Variants in ATE1 observed in about 807,000 individuals in gnomAD.
ATE1 encodes arginyl-tRNA--protein transferase 1.
In ATE1, 36 loss-of-function variants were observed where a neutral mutation model predicts 70.5. The observed-to-expected ratio is 0.51, with a 90% CI of 0.39 to 0.67. The LOEUF is 0.67. ATE1 is among the 30% of genes least tolerant of loss of function. ATE1 has a pLI of 0.00. For missense variants in ATE1, 593 were observed against 629.5 expected (o/e 0.94, Z 0.62); for synonymous variants, 232 against 219.3 (o/e 1.06, Z -0.51).
intron 11 of ATE1, among the ~76,000 whole-genome samples, chr10:121,746,222 T>G (rs1944364573): frequency 6.6e-6 from 1 of 152,222 alleles, no homozygotes; most frequent in African/African-American, 2.4e-5. Context: ...ATATATTTAC[T>G]GCCTATTTCC....
chr10:121,897,205 A>G (rs1366651340), intron 7 of ATE1, among the ~76,000 whole-genome samples: 2 of 152,232 alleles, frequency 1.3e-5, no homozygotes, highest in Non-Finnish European at 2.9e-5. Context: ...AAGTCTGCAT[A>G]AAGGGACTTC....
In ATE1 at chr10:121,752,225, A is replaced by G. The variant is rs1260241632; in HGVS notation, c.1379-8367T>C. Reference sequence around the variant, plus strand: ...AAAAAAAAGATTTACTCCAATTTATATTTCTAAGGTTTTTTTTTTTTTTGA... The same window carrying G: ...AAAAAAAAGATTTACTCCAATTTATGTTTCTAAGGTTTTTTTTTTTTTTGA... On this transcript the variant is annotated intron_variant, in intron 11 of 11. Coordinates refer to ENST00000224652, the MANE Select transcript of ATE1 (RefSeq NM_001001976.3). Among the ~76,000 whole-genome samples, 9 of 129,660 alleles carry G rather than the reference A, an allele frequency of 6.9e-5. No individual in the cohort carries two copies. In the East Asian group the frequency reaches 7.1e-4, roughly 10 times the overall value. 85.1% of individuals were successfully genotyped at this position (129,660 alleles called of 152,430 possible).
intron 10 of ATE1, among the ~76,000 whole-genome samples, chr10:121,820,017 G>T (rs1347504914): frequency 6.6e-6 from 1 of 152,002 alleles, no homozygotes; most frequent in Non-Finnish European, 1.5e-5. Flanking sequence ...ATGGTGGAAT[G>T]CGCCTGTAAT....
rs1347711214 is a variant in ATE1 at position 121,866,127 on chromosome 10, C to T, written c.975+3879G>A. On this transcript the variant is annotated intron_variant, in intron 8 of 11. Transcript: ENST00000224652. ...ATTAAACATTCAGAGATTCCCAGCA[C>T]TCTCCTGCCTTGCCTTTGGTTTGGC... Among the ~76,000 whole-genome samples the T allele has an allele frequency of 3.3e-5, 5 of 152,222 alleles. No individual in the cohort carries two copies. In the East Asian group the frequency reaches 9.6e-4, roughly 29 times the overall value.
intron 10 of ATE1, among the ~76,000 whole-genome samples, chr10:121,821,067 G>A (rs751741061): frequency 2.6e-5 from 4 of 152,074 alleles, no homozygotes; most frequent in Admixed American, 6.5e-5. Flanking sequence ...TCGGCCTCCC[G>A]AGTAGCTGGG....
At chr10:121,903,843 A>C (rs1951079872) in intron 5 of ATE1, among the ~76,000 whole-genome samples, 1 of 152,116 alleles carries the variant, frequency 6.6e-6, no homozygotes, top group South Asian at 2.1e-4. Context: ...AAAATAAAAA[A>C]ATTTTTACTA....
chr10:121,848,111 G>A (rs141713076), intron 8 of ATE1, among the ~76,000 whole-genome samples: 7 of 152,148 alleles, frequency 4.6e-5, no homozygotes, highest in Admixed American at 1.3e-4. Flanking sequence ...CAGCCACTGC[G>A]GTGACATGGA....
At chr10:121,882,778 T>C (rs903604056) in intron 7 of ATE1, among the ~76,000 whole-genome samples, 1 of 152,208 alleles carries the variant, frequency 6.6e-6, no homozygotes, top group African/African-American at 2.4e-5. Flanking sequence ...AGGAGGTTAA[T>C]CAAGAATCAG....
In ATE1 at chr10:121,857,369, C is replaced by T. The variant is rs546448667; in HGVS notation, c.975+12637G>A. ...CTTAAAAGCAAGAACATGTGGTTTT[C>T]TGATTCTGTGTTGGTTTGCTTAGGA... is the stretch of plus-strand genomic sequence containing the variant. On this transcript the variant is annotated intron_variant, in intron 8 of 11. Transcript: ENST00000224652. 7.9e-5 allele frequency among the ~76,000 whole-genome samples: 12 copies of T among 152,294 alleles called. No homozygotes were observed. The East Asian group carries it at 2.3e-3, about 29-fold the overall frequency.
intron 10 of ATE1, among the ~76,000 whole-genome samples, chr10:121,816,340 A>G (rs1361736863): frequency 6.6e-6 from 1 of 152,178 alleles, no homozygotes; most frequent in Admixed American, 6.5e-5. Flanking sequence ...GTCTTCTCCA[A>G]TATTCATGTT....
rs140543829 is a variant in ATE1 at position 121,871,317 on chromosome 10, T to C, written c.943-1279A>G. ...CTAATAAAAATACAAAAATTAGCTG[T>C]GTGTGGTAGTGGGCGCCTGTAATCC... is the stretch of plus-strand genomic sequence containing the variant. On this transcript the variant is annotated intron_variant, in intron 7 of 11. Transcript: ENST00000224652. Among the ~76,000 whole-genome samples the C allele has an allele frequency of 7.1e-3, 1,072 of 151,882 alleles. 24 individuals are homozygous for C. Among genetic ancestry groups the C allele is most frequent in the African/African-American group, 0.024 (1,014 of 41,412 alleles).
At chr10:121,894,482 A>G (rs1950699532) in intron 7 of ATE1, among the ~76,000 whole-genome samples, 1 of 152,234 alleles carries the variant, frequency 6.6e-6, no homozygotes, top group African/African-American at 2.4e-5. Context: ...GCACCAGGAA[A>G]TGTTCCTAGG....
At chr10:121,790,357 G>A (rs1946385522) in intron 10 of ATE1, 68 bp from the exon 11 acceptor site, 15 of 1,571,400 alleles carry the variant, frequency 9.5e-6, no homozygotes, top group Non-Finnish European at 1.2e-5. Context: ...AAAGGGATGA[G>A]GGCTCTAGGA....
intron 10 of ATE1, among the ~76,000 whole-genome samples, chr10:121,803,197 C>T (rs986936933): frequency 1.3e-5 from 2 of 152,088 alleles, no homozygotes; most frequent in African/African-American, 4.8e-5. Flanking sequence ...CTTTACGTTC[C>T]CTATGCATAT....
At chr10:121,747,565 G>A (rs1944420030) in intron 11 of ATE1, among the ~76,000 whole-genome samples, 1 of 152,162 alleles carries the variant, frequency 6.6e-6, no homozygotes, top group Non-Finnish European at 1.5e-5. Flanking sequence ...TCAGCACAGG[G>A]TAGCAGTGTC....
rs568972287 is a variant in ATE1, at chr10:121,902,725, T to C, written c.584-105A>G. ...TGTAAGTCCAAAGAGTTTCAATGGT[T>C]AGGCTAGCTTTGGGGTAGATGTTTC... On this transcript the variant is annotated intron_variant, in intron 5 of 11. Coordinates refer to ENST00000224652, the MANE Select transcript of ATE1 (RefSeq NM_001001976.3). The C allele has an allele frequency of 1.1e-5, 12 of 1,142,164 alleles. No individual in the cohort carries two copies. In the Admixed American group the frequency reaches 1.6e-4, roughly 15 times the overall value. The allele number at this position is 1,142,164 out of a possible 1,614,324, so 70.8% of individuals were successfully genotyped here.
chr10:121,781,624 T>A (rs1412348860), intron 11 of ATE1, among the ~76,000 whole-genome samples: 12 of 152,188 alleles, frequency 7.9e-5, no homozygotes, highest in Non-Finnish European at 1.5e-4. Flanking sequence ...ATAAATAACC[T>A]GAATGGAAGG....
chr10:121,834,776 G>C (rs537123944), intron 10 of ATE1, among the ~76,000 whole-genome samples: 1 of 152,108 alleles, frequency 6.6e-6, no homozygotes, highest in Non-Finnish European at 1.5e-5. Flanking sequence ...TTTAGCTTAG[G>C]CATAATGAAA....
chr10:121,802,500 G>C (rs559510562), intron 10 of ATE1, among the ~76,000 whole-genome samples: 2 of 152,038 alleles, frequency 1.3e-5, no homozygotes, highest in African/African-American at 2.4e-5. Flanking sequence ...GTAGAGACAG[G>C]GTTTCACCAT....
Sources: allele counts gnomAD v4.1 joint callset (sites outside exome capture counted in the v4.1 genomes callset), GRCh38; gene constraint gnomAD v4.1.1; transcripts MANE v1.5; gene names NCBI Gene and HGNC (gene_info 2026-07-23, HGNC 2026-07-21).